ATXN3: variants seen among roughly 807,000 people sequenced by gnomAD.
ATXN3 encodes the protein ataxin-3.
In ATXN3, 28 loss-of-function variants were observed where a neutral mutation model predicts 58.2. That is an observed-to-expected ratio of 0.48 (90% CI 0.36 to 0.66). The LOEUF is 0.66. Ranked by LOEUF, ATXN3 falls within the 30% of genes least tolerant of loss-of-function variation. ATXN3 has a pLI of 0.00. For synonymous variants in ATXN3, 113 were observed against 138.5 expected (o/e 0.82, Z 1.29); for missense variants, 321 against 422.1 (o/e 0.76, Z 2.10).
At position 92,106,510 on chromosome 14, in the gene ATXN3, A is replaced by C. The variant is rs201743985; in HGVS notation, c.24+19T>G. On this transcript the variant is annotated intron_variant, in intron 1 of 10. Coordinates refer to ENST00000644486, the MANE Select transcript of ATXN3 (RefSeq NM_004993.6). ...GCCACCGCGCGGCAGACAGCTCCCC[A>C]CCGAACGCGGACACTCACTTTCTCG... The C allele has an allele frequency of 7.2e-5, 116 of 1,612,344 alleles. No individual in the cohort carries two copies. The East Asian group carries it at 2.5e-3, about 35-fold the overall frequency.
At chr14:92,094,269 T>C (rs1007100946) in intron 3 of ATXN3, among the ~76,000 whole-genome samples, 3 of 152,084 alleles carry the variant, frequency 2.0e-5, no homozygotes, top group African/African-American at 7.2e-5. Flanking sequence ...TGTGTGTGTA[T>C]AGATATATCA....
chr14:92,068,539 C>T (rs111735934), intron 10 of ATXN3, among the ~76,000 whole-genome samples: 1,814 of 152,214 alleles, frequency 0.012, 37 homozygotes, highest in African/African-American at 0.039. Context: ...CCTCTGGTTC[C>T]AAGGTCCCTA....
At chr14:92,090,957 T>A (rs1010525295) in intron 5 of ATXN3, among the ~76,000 whole-genome samples, 2 of 148,422 alleles carry the variant, frequency 1.3e-5, no homozygotes, top group African/African-American at 5.0e-5. Flanking sequence ...TTTTTTTTTT[T>A]TTTTTTTTGT....
Position 92,096,806 on chromosome 14 carries a change from C to T in ATXN3, c.57G>A (p.Leu19=), listed in dbSNP as rs759040212. The T allele has an allele frequency of 1.9e-6, 3 of 1,613,626 alleles. No individual in the cohort carries two copies. In the South Asian group the frequency reaches 3.3e-5, roughly 18 times the overall value. Residue 19 remains leucine (L), a synonymous_variant, in exon 2 of 11, where the codon CTG becomes CTA. Transcript: ENST00000644486. ...AATATTCTCCTTGCAATAAGTTATT[C>T]AGGCAATGTTGAGCACAAAGTGAGC... ...QEGSLCAQHC[L]NNLLQGEYFS... is the part of the protein sequence containing the mutation.
At chr14:92,071,426 T>C (rs960307781) in intron 9 of ATXN3, 3 of 360,718 alleles carry the variant, frequency 8.3e-6, no homozygotes, top group Non-Finnish European at 1.6e-5. Flanking sequence ...TGAAACCCCA[T>C]CTCTACTAAA....
intron 10 of ATXN3, 48 bp from the exon 11 acceptor site, chr14:92,064,462 CAA>C (rs1339390958): frequency 5.7e-6 from 8 of 1,393,576 alleles, no homozygotes; most frequent in African/African-American, 2.9e-5. Context: ...AGAAAATTCT[CAA>C]AGTCATCAAA....
chr14:92,055,126 T>C (rs2140165047), downstream of ATXN3, among the ~76,000 whole-genome samples: 1 of 152,278 alleles, frequency 6.6e-6, no homozygotes, highest in African/African-American at 2.4e-5. This position sits in a 1 kb window ranked among gnomAD's most constrained non-coding sequence, Gnocchi z 4.5. Flanking sequence ...GTGATCCGCC[T>C]GCCTCAGCCT....
chr14:92,084,085 T>G (rs529468483), intron 6 of ATXN3, among the ~76,000 whole-genome samples: 1 of 152,320 alleles, frequency 6.6e-6, no homozygotes, highest in Non-Finnish European at 1.5e-5. Flanking sequence ...TTTGAGGTTT[T>G]GGGACTTGGA....
rs1490276577 is a variant in ATXN3, at chr14:92,060,930, C to A, written c.*3390G>T. ...GTAGTTTTTAGTACAGATGGGGTTT[C>A]ACCATTTTGGCCAAGCTGGTCTCGA... On this transcript the variant is annotated 3_prime_UTR_variant, in exon 11 of 11. Transcript: ENST00000644486. The A allele has an allele frequency of 6.6e-6, 1 of 152,030 alleles. No individual in the cohort carries two copies. Among genetic ancestry groups the A allele is most frequent in the Non-Finnish European group, 1.5e-5 (1 of 68,024 alleles). The allele number at this position is 152,030 out of a possible 1,614,324, so 9.4% of individuals were successfully genotyped here. A position where few individuals can be genotyped will look rare whatever the true frequency, so the allele number is the denominator to read the frequency against.
upstream of ATXN3, among the ~76,000 whole-genome samples, chr14:92,052,892 T>A (rs536762326): frequency 3.9e-5 from 6 of 152,322 alleles, no homozygotes; most frequent in African/African-American, 1.4e-4. Flanking sequence ...CTTGGCTTCC[T>A]TCTTTTCCTA....
rs776918783 is a variant in ATXN3, at chr14:92,061,278, AT to A, written c.*3041del. On this transcript the variant is annotated 3_prime_UTR_variant, in exon 11 of 11. Coordinates refer to ENST00000644486, the MANE Select transcript of ATXN3 (RefSeq NM_004993.6). ...AAAAAAGCACCACCTTAAATAAAAT[AT>A]TCTGTGAATTGTAAATTATTTGGCC... 67 of 152,124 alleles carry A rather than the reference AT, an allele frequency of 4.4e-4. No individual in the cohort carries two copies. Among genetic ancestry groups the A allele is most frequent in the Admixed American group, 1.5e-3 (23 of 15,276 alleles). The allele number at this position is 152,124 out of a possible 1,614,324, so 9.4% of individuals were successfully genotyped here. A position where few individuals can be genotyped will look rare whatever the true frequency, so the allele number is the denominator to read the frequency against.
At chr14:92,085,340 C>A (rs2062210240) in intron 6 of ATXN3, among the ~76,000 whole-genome samples, 1 of 151,972 alleles carries the variant, frequency 6.6e-6, no homozygotes, top group Non-Finnish European at 1.5e-5. Flanking sequence ...GTGCACAACA[C>A]CACACCCAGT....
intron 6 of ATXN3, among the ~76,000 whole-genome samples, chr14:92,086,006 T>C (rs1175206960): frequency 2.6e-5 from 4 of 151,774 alleles, no homozygotes; most frequent in African/African-American, 9.7e-5. Context: ...GTATCTAAAA[T>C]CAAAGAATTA....
At chr14:92,084,194 A>G (rs534347269) in intron 6 of ATXN3, among the ~76,000 whole-genome samples, 69 of 152,280 alleles carry the variant, frequency 4.5e-4, no homozygotes, top group African/African-American at 1.6e-3. Flanking sequence ...CTTCATATAT[A>G]CATCTACCTT....
intron 9 of ATXN3, among the ~76,000 whole-genome samples, chr14:92,078,304 T>TA (rs989354366): frequency 5.3e-4 from 80 of 151,960 alleles, no homozygotes; most frequent in African/African-American, 1.9e-3. Context: ...TTTCTTAAAA[T>TA]AAAATTTTTA....
At chr14:92,094,920 G>C (rs983742380) in intron 3 of ATXN3, among the ~76,000 whole-genome samples, 2 of 152,248 alleles carry the variant, frequency 1.3e-5, no homozygotes, top group South Asian at 4.1e-4. Flanking sequence ...AGTCCAGGAG[G>C]GCAGTACAAG....
At chr14:92,079,746 T>C (rs2061102417) in intron 9 of ATXN3, among the ~76,000 whole-genome samples, 1 of 151,570 alleles carries the variant, frequency 6.6e-6, no homozygotes, top group African/African-American at 2.4e-5. Context: ...TTTCTTTCTC[T>C]TTTTTTTTGA....
At chr14:92,104,025 A>T (rs903514855) in intron 1 of ATXN3, among the ~76,000 whole-genome samples, 4 of 152,230 alleles carry the variant, frequency 2.6e-5, no homozygotes, top group African/African-American at 9.6e-5. Context: ...GACGCCCAAA[A>T]AACTAAATTG....
At chr14:92,076,748 T>C (rs1189390781) in intron 9 of ATXN3, among the ~76,000 whole-genome samples, 1 of 151,904 alleles carries the variant, frequency 6.6e-6, no homozygotes, top group Non-Finnish European at 1.5e-5. Context: ...GAAACCAGCC[T>C]GGGCAACATG....
Sources: allele counts gnomAD v4.1 joint callset (sites outside exome capture counted in the v4.1 genomes callset), GRCh38; gene constraint gnomAD v4.1.1; non-coding constraint Gnocchi (gnomAD v3.1); transcripts MANE v1.5; gene names NCBI Gene and HGNC (gene_info 2026-07-23, HGNC 2026-07-21).